Variants in WWOX observed in about 807,000 individuals in gnomAD.
WWOX encodes the protein WW domain-containing oxidoreductase.
Under a neutral mutation model 46.2 loss-of-function variants are expected in WWOX, and 69 were observed. That is an observed-to-expected ratio of 1.49 (90% CI 1.23 to 1.82). The LOEUF is 1.82. WWOX is among the 40% of genes most tolerant of loss of function. The probability of loss-of-function intolerance (pLI) is 0.00; values close to 1 mark genes in which losing one functional copy is unlikely to be tolerated. For missense variants in WWOX, 919 were observed against 542.6 expected (o/e 1.69, Z -6.89); for synonymous variants, 359 against 202.6 (o/e 1.77, Z -6.56).
intron 8 of WWOX, among the ~76,000 whole-genome samples, chr16:78,804,428 AAAAG>A (rs535352903): frequency 2.1e-3 from 313 of 152,282 alleles, no homozygotes; most frequent in African/African-American, 5.9e-3. Flanking sequence ...AAAAAAAAAA[AAAAG>A]AAAGAAAGAA....
chr16:78,386,668 G>A (rs1469762170), intron 5 of WWOX, among the ~76,000 whole-genome samples, 192 bp from the exon 6 acceptor site: 3 of 73,716 alleles, frequency 4.1e-5, no homozygotes, highest in Admixed American at 2.1e-4. Context: ...CAGAATCCCA[G>A]CCTCACATCC....
At chr16:79,002,421 G>C (rs1023887703) in intron 8 of WWOX, among the ~76,000 whole-genome samples, 2 of 151,722 alleles carry the variant, frequency 1.3e-5, no homozygotes, top group African/African-American at 2.4e-5. Context: ...ACAGGGTTTT[G>C]ACATGTTGCC....
At chr16:79,084,490 G>A (rs552323503) in intron 8 of WWOX, among the ~76,000 whole-genome samples, 4 of 151,940 alleles carry the variant, frequency 2.6e-5, no homozygotes, top group East Asian at 1.9e-4. Context: ...GTACAGTCTC[G>A]GCTCACTGCA....
intron 8 of WWOX, among the ~76,000 whole-genome samples, chr16:78,485,007 T>C (rs1053848077): frequency 2.0e-5 from 3 of 152,054 alleles, no homozygotes; most frequent in Non-Finnish European, 4.4e-5. Flanking sequence ...TAACACCTTA[T>C]AGATGAGGTT....
intron 8 of WWOX, among the ~76,000 whole-genome samples, chr16:79,027,704 A>C (rs11645630): frequency 0.52 from 78,744 of 151,412 alleles, 22,055 homozygotes; most frequent in East Asian, 0.71. Flanking sequence ...TCCTTACTCT[A>C]CCCAAGTAAT....
chr16:79,059,618 C>T (rs1030631198), intron 8 of WWOX, among the ~76,000 whole-genome samples: 20 of 152,156 alleles, frequency 1.3e-4, no homozygotes, highest in African/African-American at 4.3e-4. Context: ...AGCCTGCCTC[C>T]CAAGTAGCTG....
At chr16:78,752,391 G>A (rs998020335) in intron 8 of WWOX, among the ~76,000 whole-genome samples, 2 of 152,110 alleles carry the variant, frequency 1.3e-5, no homozygotes, top group Admixed American at 6.5e-5. Flanking sequence ...GGGTTCAAGC[G>A]ATTCTTCTGC....
chr16:78,102,887 G>C (rs1645335121), intron 1 of WWOX, among the ~76,000 whole-genome samples: 3 of 152,182 alleles, frequency 2.0e-5, no homozygotes, highest in South Asian at 4.1e-4. Context: ...TCTGTGGGTG[G>C]GTGGGTGGTG....
intron 8 of WWOX, among the ~76,000 whole-genome samples, chr16:78,481,683 A>G (rs1484513363): frequency 6.8e-6 from 1 of 147,848 alleles, no homozygotes; most frequent in Non-Finnish European, 1.5e-5. Flanking sequence ...ATTTGCCAGA[A>G]CTGTTTCAAG....
intron 5 of WWOX, among the ~76,000 whole-genome samples, chr16:78,362,225 A>G (rs1214052247): frequency 6.6e-6 from 1 of 152,116 alleles, no homozygotes; most frequent in Admixed American, 6.6e-5. Context: ...GGAGCATGTT[A>G]GTATCAGATG....
intron 8 of WWOX, among the ~76,000 whole-genome samples, chr16:79,182,893 A>G (rs774288518): frequency 6.6e-6 from 1 of 152,212 alleles, no homozygotes; most frequent in Non-Finnish European, 1.5e-5. Context: ...ATATTTAACA[A>G]AAGCCTTCTG....
chr16:79,131,285 T>A (rs1375399885), intron 8 of WWOX, among the ~76,000 whole-genome samples: 1 of 152,048 alleles, frequency 6.6e-6, no homozygotes, highest in Non-Finnish European at 1.5e-5. Flanking sequence ...GAAGCTGTAC[T>A]CCCAAGAGGC....
At chr16:78,913,309 G>C (rs570688920) in intron 8 of WWOX, among the ~76,000 whole-genome samples, 1 of 152,060 alleles carries the variant, frequency 6.6e-6, no homozygotes, top group East Asian at 1.9e-4. Flanking sequence ...CTGGTTCATG[G>C]TTAGACTGCA....
chr16:78,135,455 CTTCAA>C (rs1479921336), intron 4 of WWOX, among the ~76,000 whole-genome samples: 2 of 152,124 alleles, frequency 1.3e-5, no homozygotes, highest in Non-Finnish European at 2.9e-5. Flanking sequence ...CTGAAGTTAT[CTTCAA>C]TTCAAATCTT....
intron 8 of WWOX, chr16:79,016,210 T>C (rs1490212679): frequency 6.6e-6 from 1 of 152,236 alleles, no homozygotes; most frequent in Non-Finnish European, 1.5e-5. Context: ...GCTTCTGTAA[T>C]ACCTTGTACC....
intron 8 of WWOX, among the ~76,000 whole-genome samples, chr16:79,119,456 C>G (rs1012183923): frequency 2.6e-5 from 4 of 152,164 alleles, no homozygotes; most frequent in African/African-American, 9.7e-5. Flanking sequence ...AATCGGAGTG[C>G]CATCCGCGCT....
At chr16:78,684,680 G>A (rs548577547) in intron 8 of WWOX, among the ~76,000 whole-genome samples, 2 of 152,158 alleles carry the variant, frequency 1.3e-5, no homozygotes, top group Non-Finnish European at 2.9e-5. Flanking sequence ...TGGGGGACCT[G>A]TTATCTTCTT....
chr16:78,615,022 A>G (rs540747377), intron 8 of WWOX, among the ~76,000 whole-genome samples: 2 of 152,266 alleles, frequency 1.3e-5, no homozygotes, highest in South Asian at 2.1e-4. Flanking sequence ...TAATCTTGCT[A>G]GAAGGTAGGG....
Position 78,250,822 on chromosome 16 carries a change from A to AAAAG in WWOX, c.516+86533_516+86534insAAAG, listed in dbSNP as rs1597401917. ...AAAACCATAACCACCTGCAAATGTCATGTGGTTTATATCACACCTTCACTT... is the reference window on the plus strand; with the variant it reads ...AAAACCATAACCACCTGCAAATGTCAAAAGTGTGGTTTATATCACACCTTCACTT... On this transcript the variant is annotated intron_variant, in intron 5 of 8. Coordinates refer to ENST00000566780, the MANE Select transcript of WWOX (RefSeq NM_016373.4). Among the ~76,000 whole-genome samples the AAAAG allele has an allele frequency of 2.6e-5, 4 of 152,238 alleles. No individual in the cohort carries two copies. The East Asian group carries it at 7.7e-4, about 29-fold the overall frequency.
Sources: gnomAD v4.1 joint callset for allele counts (sites outside exome capture counted in the v4.1 genomes callset) on GRCh38, gnomAD v4.1.1 for gene constraint, MANE v1.5 for transcripts, NCBI Gene and HGNC (gene_info 2026-07-23, HGNC 2026-07-21) for gene names.